CD58: variants seen among roughly 807,000 people sequenced by gnomAD.
CD58 encodes CD58 molecule.
Under a neutral mutation model 27.6 loss-of-function variants are expected in CD58, and 14 were observed. That is an observed-to-expected ratio of 0.51 (90% CI 0.34 to 0.79). CD58 has a LOEUF of 0.79. CD58 is among the 30% of genes least tolerant of loss of function. The pLI is 0.02. For missense variants in CD58, 268 were observed against 301.7 expected, an observed-to-expected ratio of 0.89 and a Z score of 0.83; for synonymous variants, 117 against 103.8, an observed-to-expected ratio of 1.13 and a Z score of -0.77.
At position 116,528,428 on chromosome 1, in the gene CD58, G is replaced by C. The variant is rs1488888259; in HGVS notation, c.629-6445C>G. 6.6e-6 allele frequency among the ~76,000 whole-genome samples: 1 copy of C among 152,058 alleles called. No homozygotes were observed. Among genetic ancestry groups the C allele is most frequent in the African/African-American group, 2.4e-5 (1 of 41,412 alleles). On this transcript the variant is annotated intron_variant, in intron 3 of 5. Coordinates refer to ENST00000369489, the MANE Select transcript of CD58 (RefSeq NM_001779.3). The surrounding 1 kb of genome is among the most constrained non-coding windows in gnomAD (Gnocchi z 4.4). ...ACTTACTCCCTGCAGGTAACATAATGTCCACACAGCTATGAAAGAAAGATC... is the reference window on the plus strand; with the variant it reads ...ACTTACTCCCTGCAGGTAACATAATCTCCACACAGCTATGAAAGAAAGATC...
chr1:116,550,798 A>G lies in CD58; in HGVS notation c.71-6194T>C, dbSNP rs545382630. ...ATAGCCTTACCAAGTGTATTCCTACATAATAAGACTTCAAAGGCAAAATTA... is the reference window on the plus strand; with the variant it reads ...ATAGCCTTACCAAGTGTATTCCTACGTAATAAGACTTCAAAGGCAAAATTA... On this transcript the variant is annotated intron_variant, in intron 1 of 5. Coordinates refer to ENST00000369489, the MANE Select transcript of CD58 (RefSeq NM_001779.3). The surrounding 1 kb of genome is among the most constrained non-coding windows in gnomAD (Gnocchi z 4.2). Among the ~76,000 whole-genome samples the G allele has an allele frequency of 1.3e-5, 2 of 152,314 alleles. No individual in the cohort carries two copies. The highest frequency in any genetic ancestry group is 2.9e-5 in the Non-Finnish European group (2 of 68,030).
In CD58 at chr1:116,570,254, AGAGGATG is replaced by A. The variant is rs1659094416; in HGVS notation, c.70+642_70+648del. On this transcript the variant is annotated intron_variant, in intron 1 of 5. Transcript: ENST00000369489. This position sits in a 1 kb window ranked among gnomAD's most constrained non-coding sequence, Gnocchi z 6.4. Reference sequence around the variant, plus strand: ...TGACGACTTGGCTGACAACACACGGAGAGGATGGAACCAGTTCTGATACTAGTTTTTA... The same window carrying A: ...TGACGACTTGGCTGACAACACACGGAGAACCAGTTCTGATACTAGTTTTTA... 1.3e-5 allele frequency among the ~76,000 whole-genome samples: 2 copies of A among 152,214 alleles called. No homozygotes were observed. Among genetic ancestry groups the A allele is most frequent in the South Asian group, 4.1e-4 (2 of 4,834 alleles).
rs1337045451 is a variant in CD58, at chr1:116,541,575, G to A, written c.364+2736C>T. On this transcript the variant is annotated intron_variant, in intron 2 of 5. Transcript: ENST00000369489. The surrounding 1 kb of genome is among the most constrained non-coding windows in gnomAD (Gnocchi z 5.3). ...CAAGAAAAAGAGAGGTATCAAGGAT[G>A]ACATCCCGGTTTCAGACTGACCAGC... Among the ~76,000 whole-genome samples the A allele has an allele frequency of 2.0e-5, 3 of 152,208 alleles. No homozygotes were observed. The highest frequency in any genetic ancestry group is 4.4e-5 in the Non-Finnish European group (3 of 68,040).
chr1:116,540,514 T>G lies in CD58; in HGVS notation c.364+3797A>C, dbSNP rs187018875. ...CTTCTAACTTGACATCTCCTCTCTT[T>G]AATCCATCATAAGTATGCACCATCA... On this transcript the variant is annotated intron_variant, in intron 2 of 5. Transcript: ENST00000369489. Among the ~76,000 whole-genome samples, 327 of 152,328 alleles carry G rather than the reference T, an allele frequency of 2.1e-3. 1 individual carries two copies. Among genetic ancestry groups the G allele is most frequent in the African/African-American group, 7.7e-3 (321 of 41,574 alleles).
At chr1:116,566,086 G>C (rs1478192426) in intron 1 of CD58, among the ~76,000 whole-genome samples, 1 of 152,164 alleles carries the variant, frequency 6.6e-6, no homozygotes, top group Admixed American at 6.5e-5. Flanking sequence ...TTATTATGGA[G>C]TTATATCTTG....
At position 116,563,114 on chromosome 1, in the gene CD58, TCCAAAACA is replaced by T. The variant is rs1396615454; in HGVS notation, c.70+7781_70+7788del. ...TATCCATTCCAAATGGGAGAAATTG[TCCAAAACA>T]AAAGGGCTACAGGCCCCATGCAAGT... On this transcript the variant is annotated intron_variant, in intron 1 of 5. Coordinates refer to ENST00000369489, the MANE Select transcript of CD58 (RefSeq NM_001779.3). The surrounding 1 kb of genome is among the most constrained non-coding windows in gnomAD (Gnocchi z 4.1). 6.6e-6 allele frequency among the ~76,000 whole-genome samples: 1 copy of T among 152,148 alleles called. No individual in the cohort carries two copies. The highest frequency in any genetic ancestry group is 1.5e-5 in the Non-Finnish European group (1 of 68,034).
intron 1 of CD58, among the ~76,000 whole-genome samples, chr1:116,558,026 G>A (rs1322321052): frequency 1.3e-5 from 2 of 151,512 alleles, no homozygotes; most frequent in African/African-American, 4.9e-5. Context: ...TGAAGGAAAG[G>A]GTTTTCTTGA....
At chr1:116,554,928 G>A (rs1192136122) in intron 1 of CD58, among the ~76,000 whole-genome samples, 1 of 151,786 alleles carries the variant, frequency 6.6e-6, no homozygotes, top group African/African-American at 2.4e-5. Context: ...CACTTCCAAG[G>A]CCAACACTAA....
At chr1:116,530,691 G>T (rs988584737) in intron 3 of CD58, among the ~76,000 whole-genome samples, 5 of 152,086 alleles carry the variant, frequency 3.3e-5, no homozygotes, top group African/African-American at 1.2e-4. Flanking sequence ...ACCTGAAAAA[G>T]TAAGATCTAG....
chr1:116,537,903 T>G (rs748281426), intron 2 of CD58, among the ~76,000 whole-genome samples: 1 of 152,260 alleles, frequency 6.6e-6, no homozygotes, highest in Non-Finnish European at 1.5e-5. Flanking sequence ...TAAGTAAATT[T>G]AGGTTCACCA....
intron 5 of CD58, 41 bp from the exon 6 acceptor site, chr1:116,514,863 A>G: frequency 6.7e-7 from 1 of 1,486,838 alleles, no homozygotes; most frequent in East Asian, 2.3e-5. Flanking sequence ...AAAATGCAGT[A>G]AATCTGGGCT....
rs1246648461 is a variant in CD58 at position 116,519,581 on chromosome 1, G to A, written c.707-314C>T. Among the ~76,000 whole-genome samples the A allele has an allele frequency of 3.9e-5, 6 of 152,056 alleles. No homozygotes were observed. The highest frequency in any genetic ancestry group is 7.2e-5 in the African/African-American group (3 of 41,390). On this transcript the variant is annotated intron_variant, in intron 4 of 5. Coordinates refer to ENST00000369489, the MANE Select transcript of CD58 (RefSeq NM_001779.3). This position sits in a 1 kb window ranked among gnomAD's most constrained non-coding sequence, Gnocchi z 4.7. ...TAGTTTGGACCAGTGCTGTCCAATA[G>A]AAATATAATGCAAGCCACATAAGTA...
rs1195647554 is a variant in CD58 at position 116,527,907 on chromosome 1, C to A, written c.629-5924G>T. On this transcript the variant is annotated intron_variant, in intron 3 of 5. Coordinates refer to ENST00000369489, the MANE Select transcript of CD58 (RefSeq NM_001779.3). The surrounding 1 kb of genome is among the most constrained non-coding windows in gnomAD (Gnocchi z 4.4). ...TCTCCCAAGTAGCTAGGACTACAGA[C>A]ACATGCCACAACACCTCAGTAACTT... is the stretch of plus-strand genomic sequence containing the variant. Among the ~76,000 whole-genome samples the A allele has an allele frequency of 6.6e-6, 1 of 152,176 alleles. No individual in the cohort carries two copies. The highest frequency in any genetic ancestry group is 1.5e-5 in the Non-Finnish European group (1 of 68,034).
rs960838416 is a variant in CD58 at position 116,538,363 on chromosome 1, C to T, written c.365-2135G>A. Among the ~76,000 whole-genome samples, 2 of 152,106 alleles carry T rather than the reference C, an allele frequency of 1.3e-5. No homozygotes were observed. The highest frequency in any genetic ancestry group is 1.3e-4 in the Admixed American group (2 of 15,274). On this transcript the variant is annotated intron_variant, in intron 2 of 5. Transcript: ENST00000369489. The surrounding 1 kb of genome is among the most constrained non-coding windows in gnomAD (Gnocchi z 4.7). ...TTTGCCCACCCCACCCCATAGCAGCCCTCAGGGGACTTCCAAGGAACATGC... is the reference window on the plus strand; with the variant it reads ...TTTGCCCACCCCACCCCATAGCAGCTCTCAGGGGACTTCCAAGGAACATGC...
chr1:116,568,300 TTGGCAAAAATAACAGA>T lies in CD58; in HGVS notation c.70+2587_70+2602del, dbSNP rs1174770287. Among the ~76,000 whole-genome samples, 4 of 152,132 alleles carry T rather than the reference TTGGCAAAAATAACAGA, an allele frequency of 2.6e-5. No homozygotes were observed. The South Asian group carries it at 6.2e-4, about 24-fold the overall frequency. On this transcript the variant is annotated intron_variant, in intron 1 of 5. Transcript: ENST00000369489. The stretch of plus-strand genomic sequence containing the variant: ...ATGAGATCTGAAACTCTCAAATGGT[TTGGCAAAAATAACAGA>T]TGGCAAAAATAACAAAGAAAACTAA...
chr1:116,539,050 T>C (rs924226256), intron 2 of CD58, among the ~76,000 whole-genome samples: 7 of 152,216 alleles, frequency 4.6e-5, no homozygotes, highest in African/African-American at 1.4e-4. Context: ...TCCTCCTCTC[T>C]ACAATAAGGA....
In CD58 at chr1:116,521,701, C is replaced by T; in HGVS notation, c.706+205G>A. 2.1e-6 allele frequency: 1 copy of T among 487,412 alleles called. No homozygotes were observed. The highest frequency in any genetic ancestry group is 2.2e-5 in the South Asian group (1 of 46,066). 30.2% of individuals were successfully genotyped at this position (487,412 alleles called of 1,614,324 possible). On this transcript the variant is annotated intron_variant, in intron 4 of 5. Transcript: ENST00000369489. The surrounding 1 kb of genome is among the most constrained non-coding windows in gnomAD (Gnocchi z 5.6). ...CCAGGCCTGTAAAGCTCTCTGTGGC[C>T]TAAGGATTCATTCTACCTTGAGATA...
In CD58 at chr1:116,524,255, T is replaced by C. The variant is rs564659234; in HGVS notation, c.629-2272A>G. Among the ~76,000 whole-genome samples the C allele has an allele frequency of 1.6e-4, 24 of 152,288 alleles. No individual in the cohort carries two copies. The highest frequency in any genetic ancestry group is 1.2e-3 in the South Asian group (6 of 4,820). On this transcript the variant is annotated intron_variant, in intron 3 of 5. Coordinates refer to ENST00000369489, the MANE Select transcript of CD58 (RefSeq NM_001779.3). The surrounding 1 kb of genome is among the most constrained non-coding windows in gnomAD (Gnocchi z 4.6). ...GGGTGAAGGTGGCCAATCATCCTGG[T>C]TTTCCTGAAACTGAAGAGTTTCCTG...
chr1:116,546,436 A>G lies in CD58; in HGVS notation c.71-1832T>C, dbSNP rs1002585757. Reference sequence around the variant, plus strand: ...CTCAAAAACACACCAGCATCTTTCCATTGCTTTGCCGATTATGCATTATTT... The same window carrying G: ...CTCAAAAACACACCAGCATCTTTCCGTTGCTTTGCCGATTATGCATTATTT... On this transcript the variant is annotated intron_variant, in intron 1 of 5. Coordinates refer to ENST00000369489, the MANE Select transcript of CD58 (RefSeq NM_001779.3). This position sits in a 1 kb window ranked among gnomAD's most constrained non-coding sequence, Gnocchi z 4.1. Among the ~76,000 whole-genome samples, 10 of 152,160 alleles carry G rather than the reference A, an allele frequency of 6.6e-5. No homozygotes were observed. The highest frequency in any genetic ancestry group is 2.4e-4 in the African/African-American group (10 of 41,440).
Sources: gnomAD v4.1 joint callset for allele counts (sites outside exome capture counted in the v4.1 genomes callset) on GRCh38, gnomAD v4.1.1 for gene constraint, Gnocchi (gnomAD v3.1) non-coding constraint, MANE v1.5 for transcripts, NCBI Gene and HGNC (gene_info 2026-07-23, HGNC 2026-07-21) for gene names.